The following DAB1 variants were observed in gnomAD, a reference collection of about 807,000 sequenced individuals.
DAB1 encodes the protein disabled homolog 1.
Under a neutral mutation model 64.6 loss-of-function variants are expected in DAB1, and 15 were observed. The ratio of observed to expected loss-of-function variants is 0.23; its 90% CI spans 0.16 to 0.36. The LOEUF (loss-of-function observed/expected upper bound fraction) is 0.36, where lower values mean the gene tolerates loss of function less well. Among genes scored for constraint, DAB1 ranks in the 10% least tolerant of loss-of-function variants. The pLI is 1.00. For synonymous variants in DAB1, 235 were observed against 251.9 expected, an observed-to-expected ratio of 0.93 and a Z score of 0.64; for missense variants, 596 against 706.7, an observed-to-expected ratio of 0.84 and a Z score of 1.78.
At chr1:57,625,380 T>A (rs964130999) in intron 7 of DAB1, among the ~76,000 whole-genome samples, 3 of 152,026 alleles carry the variant, frequency 2.0e-5, no homozygotes, top group Non-Finnish European at 2.9e-5. Flanking sequence ...ACCGCGTCTA[T>A]AGGGACAGGC....
intron 7 of DAB1, among the ~76,000 whole-genome samples, chr1:57,640,461 G>T (rs1250256377): frequency 6.6e-6 from 1 of 152,022 alleles, no homozygotes; most frequent in Non-Finnish European, 1.5e-5. Flanking sequence ...GGGAATTGAG[G>T]CTAAATGAAT....
chr1:58,393,009 G>C (rs1347714346), intron 3 of DAB1, among the ~76,000 whole-genome samples: 1 of 151,872 alleles, frequency 6.6e-6, no homozygotes, highest in East Asian at 1.9e-4. Flanking sequence ...GGATTGGTCA[G>C]AGTTCCAGCT....
intron 4 of DAB1, among the ~76,000 whole-genome samples, chr1:58,173,836 A>G (rs1182399432): frequency 2.0e-5 from 3 of 152,162 alleles, no homozygotes; most frequent in African/African-American, 7.2e-5. Context: ...GCCCCAGGAA[A>G]TCAGACCCTA....
At position 57,086,158 on chromosome 1, in the gene DAB1, C is replaced by T. The variant is rs530655965; in HGVS notation, c.307-13744G>A. ...ACTGGAGTGGTTGAAATTGTCAGCT[C>T]CTTTCTAATTGACCCTGCTGTTAAT... On this transcript the variant is annotated intron_variant, in intron 4 of 14. Coordinates refer to ENST00000371236, the MANE Select transcript of DAB1 (RefSeq NM_001365792.1). Among the ~76,000 whole-genome samples the T allele has an allele frequency of 1.1e-4, 17 of 152,188 alleles. No individual in the cohort carries two copies. The South Asian group carries it at 3.5e-3, about 32-fold the overall frequency.
chr1:57,419,232 A>T (rs1277897612), intron 1 of DAB1, among the ~76,000 whole-genome samples: 1 of 152,232 alleles, frequency 6.6e-6, no homozygotes, highest in Non-Finnish European at 1.5e-5. Flanking sequence ...TAGTGAAAGG[A>T]GCACTGGACA....
At chr1:57,460,143 G>A (rs1309103779) in intron 7 of DAB1, among the ~76,000 whole-genome samples, 1 of 152,202 alleles carries the variant, frequency 6.6e-6, no homozygotes, top group Non-Finnish European at 1.5e-5. Context: ...ACCATTAGTT[G>A]TGACACTTAG....
At chr1:58,473,965 C>A (rs1569849606) in intron 3 of DAB1, 7 of 1,275,610 alleles carry the variant, frequency 5.5e-6, no homozygotes, top group Non-Finnish European at 7.3e-6. Flanking sequence ...TCTTCCCGGA[C>A]AAGCTGTCAC....
chr1:57,641,441 T>C (rs1646129091), intron 7 of DAB1, among the ~76,000 whole-genome samples: 1 of 134,690 alleles, frequency 7.4e-6, no homozygotes, highest in Admixed American at 9.3e-5. Flanking sequence ...TAGAGTGCAG[T>C]GGTATAATCT....
chr1:57,475,096 C>A (rs1251978714), intron 7 of DAB1, among the ~76,000 whole-genome samples: 3 of 152,114 alleles, frequency 2.0e-5, no homozygotes, highest in Non-Finnish European at 4.4e-5. Context: ...CCCATCTCTA[C>A]TAAAAATACA....
chr1:58,489,655 C>T (rs920704617), intron 3 of DAB1, among the ~76,000 whole-genome samples: 1 of 152,178 alleles, frequency 6.6e-6, no homozygotes, highest in African/African-American at 2.4e-5. Context: ...TCAAGTGGGT[C>T]CCTGACCCCT....
intron 5 of DAB1, among the ~76,000 whole-genome samples, chr1:58,071,398 GT>G (rs1557637244): frequency 4.6e-4 from 69 of 150,848 alleles, no homozygotes; most frequent in African/African-American, 1.6e-3. Context: ...GTGTGTGTGT[GT>G]GTGTGTGGGT....
At chr1:57,264,664 G>T (rs1206869181) in intron 2 of DAB1, among the ~76,000 whole-genome samples, 1 of 151,516 alleles carries the variant, frequency 6.6e-6, no homozygotes, top group Non-Finnish European at 1.5e-5. Context: ...TGAACATGAC[G>T]CCTAAACATT....
chr1:57,984,500 G>A (rs1277316626), intron 5 of DAB1, among the ~76,000 whole-genome samples: 1 of 152,186 alleles, frequency 6.6e-6, no homozygotes, highest in East Asian at 1.9e-4. Context: ...ATATAATTTT[G>A]GGAGATGTCA....
intron 2 of DAB1, among the ~76,000 whole-genome samples, chr1:57,199,492 C>A (rs986780396): frequency 6.6e-6 from 1 of 152,114 alleles, no homozygotes; most frequent in South Asian, 2.1e-4. Context: ...AACTATCACA[C>A]TGGGGGAAAT....
chr1:57,305,017 C>T (rs1674012324), intron 1 of DAB1, among the ~76,000 whole-genome samples: 2 of 152,200 alleles, frequency 1.3e-5, no homozygotes, highest in Admixed American at 1.3e-4. Flanking sequence ...TAACACACTT[C>T]CTCACCTATT....
intron 7 of DAB1, among the ~76,000 whole-genome samples, chr1:57,545,729 T>C (rs763960995): frequency 6.6e-6 from 1 of 152,224 alleles, no homozygotes; most frequent in African/African-American, 2.4e-5. Flanking sequence ...CCTCATGTTA[T>C]TAATACCTTC....
At chr1:57,451,556 T>A (rs1558393422) in intron 7 of DAB1, among the ~76,000 whole-genome samples, 1 of 152,216 alleles carries the variant, frequency 6.6e-6, no homozygotes, top group Non-Finnish European at 1.5e-5. Context: ...CTCATGCACA[T>A]TAAGTTTGAA....
intron 2 of DAB1, among the ~76,000 whole-genome samples, chr1:57,202,651 T>G (rs1428108240): frequency 6.6e-6 from 1 of 152,232 alleles, no homozygotes; most frequent in African/African-American, 2.4e-5. Context: ...TCCATTTGGA[T>G]CAGCACTTTA....
intron 6 of DAB1, among the ~76,000 whole-genome samples, chr1:57,719,617 A>C (rs1325375668): frequency 6.6e-6 from 1 of 152,202 alleles, no homozygotes; most frequent in Non-Finnish European, 1.5e-5. Context: ...AAATTACAGC[A>C]CTTCCTTCTT....
Sources: allele counts gnomAD v4.1 joint callset (sites outside exome capture counted in the v4.1 genomes callset), GRCh38; gene constraint gnomAD v4.1.1; transcripts MANE v1.5; gene names NCBI Gene and HGNC (gene_info 2026-07-23, HGNC 2026-07-21).